The following PHF24 variants were observed in gnomAD, a reference collection of about 807,000 sequenced individuals.
PHF24 encodes Galpha inhibitory interacting protein.
Under a neutral mutation model 42.6 loss-of-function variants are expected in PHF24, and 25 were observed. That is an observed-to-expected ratio of 0.59 (90% CI 0.43 to 0.82). The LOEUF (loss-of-function observed/expected upper bound fraction) is 0.82, where lower values mean the gene tolerates loss of function less well. Among genes scored for constraint, PHF24 ranks in the 40% least tolerant of loss-of-function variants. PHF24 has a pLI of 0.00. For missense variants in PHF24, 470 were observed against 538.1 expected (o/e 0.87, Z 1.25); for synonymous variants, 185 against 204.8 (o/e 0.90, Z 0.83).
the PHF24 span, among the ~76,000 whole-genome samples, chr9:34,670,991 T>G: frequency 0.56 from 85,042 of 151,956 alleles, 24,185 homozygotes; most frequent in East Asian, 0.8. Context: ...TGAAGCTAAA[T>G]GGAACATTCT....
chr9:34,709,088 G>A, the PHF24 span: 20 of 479,594 alleles, frequency 4.2e-5, no homozygotes, highest in Non-Finnish European at 6.6e-5. Context: ...CTGGGGAGCC[G>A]TATCAGGTCC....
chr9:34,689,729 G>A, the PHF24 span: 5 of 1,485,722 alleles, frequency 3.4e-6, no homozygotes, highest in Non-Finnish European at 9.3e-7. The surrounding 1 kb of genome is among the most constrained non-coding windows in gnomAD (Gnocchi z 4.1). Context: ...CTGGAAGCCT[G>A]GTCCTTCCTT....
At chr9:34,933,573 A>C in the PHF24 span, among the ~76,000 whole-genome samples, 3 of 151,620 alleles carry the variant, frequency 2.0e-5, no homozygotes, top group Non-Finnish European at 4.4e-5. Context: ...AAATACAAAA[A>C]AATTAGCCTG....
the PHF24 span, among the ~76,000 whole-genome samples, chr9:34,839,508 A>G: frequency 6.6e-6 from 1 of 151,914 alleles, no homozygotes; most frequent in Non-Finnish European, 1.5e-5. Context: ...GAATATTGCA[A>G]TACTTCCCTA....
chr9:34,887,807 G>A, the PHF24 span, among the ~76,000 whole-genome samples: 1 of 151,878 alleles, frequency 6.6e-6, no homozygotes, highest in Non-Finnish European at 1.5e-5. Context: ...TGCTCCCAAC[G>A]TAAGTTCCTT....
At chr9:34,726,485 T>G in the PHF24 span, 2 of 1,551,676 alleles carry the variant, frequency 1.3e-6, no homozygotes, top group African/African-American at 1.4e-5. Flanking sequence ...ATTCAAGTGA[T>G]GCTGGCCTTG....
the PHF24 span, among the ~76,000 whole-genome samples, chr9:34,852,442 A>C: frequency 3.3e-5 from 5 of 152,282 alleles, no homozygotes; most frequent in African/African-American, 4.8e-5. Flanking sequence ...TCCCCTTAGC[A>C]ATTCTTATAA....
At chr9:34,703,275 T>A in the PHF24 span, among the ~76,000 whole-genome samples, 81 of 152,148 alleles carry the variant, frequency 5.3e-4, no homozygotes, top group Non-Finnish European at 1.0e-3. Context: ...TTCAAGCAAT[T>A]CTCCTGCCTC....
the PHF24 span, among the ~76,000 whole-genome samples, chr9:34,813,631 A>C: frequency 6.6e-6 from 1 of 152,242 alleles, no homozygotes; most frequent in African/African-American, 2.4e-5. Context: ...GGTTACTCTC[A>C]GTATCTAAAG....
chr9:34,891,695 T>G, the PHF24 span, among the ~76,000 whole-genome samples: 11 of 152,176 alleles, frequency 7.2e-5, no homozygotes, highest in Admixed American at 7.2e-4. Flanking sequence ...AGGAGAATGC[T>G]TCCTCCCTCT....
intron 1 of PHF24, among the ~76,000 whole-genome samples, chr9:34,970,402 G>A (rs1011007345): frequency 6.6e-6 from 1 of 152,148 alleles, no homozygotes; most frequent in African/African-American, 2.4e-5. Context: ...TTAGAGCTTT[G>A]TAATAGGCCA....
the PHF24 span, among the ~76,000 whole-genome samples, chr9:34,770,650 C>T: frequency 6.6e-6 from 1 of 151,776 alleles, no homozygotes; most frequent in Non-Finnish European, 1.5e-5. Context: ...TACAAAAAAA[C>T]ACCAGAAAGA....
At chr9:34,946,686 A>C in the PHF24 span, among the ~76,000 whole-genome samples, 1 of 152,308 alleles carries the variant, frequency 6.6e-6, no homozygotes, top group South Asian at 2.1e-4. Flanking sequence ...AAGAAGTTGC[A>C]TACAGCTACA....
chr9:34,960,188 C>T (rs1826540699), intron 1 of PHF24, among the ~76,000 whole-genome samples: 2 of 152,132 alleles, frequency 1.3e-5, no homozygotes, highest in African/African-American at 4.8e-5. Context: ...GGTGAGAGGG[C>T]CAAGCAATGA....
chr9:34,931,162 G>A, the PHF24 span, among the ~76,000 whole-genome samples: 1 of 152,178 alleles, frequency 6.6e-6, no homozygotes, highest in African/African-American at 2.4e-5. Context: ...GGATCACGAG[G>A]TCAGGAGATC....
the PHF24 span, among the ~76,000 whole-genome samples, chr9:34,861,336 A>G: frequency 6.6e-6 from 1 of 152,230 alleles, no homozygotes; most frequent in Non-Finnish European, 1.5e-5. Context: ...ACTACTTTAG[A>G]CCTAGATAAG....
At chr9:34,827,923 TTCTGTGATC>T in the PHF24 span, among the ~76,000 whole-genome samples, 1 of 152,106 alleles carries the variant, frequency 6.6e-6, no homozygotes, top group East Asian at 1.9e-4. Context: ...TTAGAGCTTT[TTCTGTGATC>T]TCTCCTGCTG....
the PHF24 span, among the ~76,000 whole-genome samples, chr9:34,739,596 G>A: frequency 2.0e-5 from 3 of 152,158 alleles, no homozygotes; most frequent in Non-Finnish European, 4.4e-5. Context: ...ATGTTCGGAT[G>A]TGTTCGGAGT....
chr9:34,969,865 C>T (rs926978194), intron 1 of PHF24, among the ~76,000 whole-genome samples: 3 of 152,140 alleles, frequency 2.0e-5, no homozygotes, highest in Non-Finnish European at 4.4e-5. Flanking sequence ...CTCCTCCTAC[C>T]CGCTGTCACC....
Sources: gnomAD v4.1 joint callset for allele counts (sites outside exome capture counted in the v4.1 genomes callset) on GRCh38, gnomAD v4.1.1 for gene constraint, Gnocchi (gnomAD v3.1) non-coding constraint, MANE v1.5 for transcripts, NCBI Gene and HGNC (gene_info 2026-07-23, HGNC 2026-07-21) for gene names.